Variants in LIPH observed in about 807,000 individuals in gnomAD.
LIPH encodes the protein lipase member H.
In LIPH, 32 loss-of-function variants were observed where a neutral mutation model predicts 47.6. The observed-to-expected ratio is 0.67, with a 90% CI of 0.51 to 0.90. The LOEUF is 0.90. Among genes scored for constraint, LIPH ranks in the 40% least tolerant of loss-of-function variants. The probability of loss-of-function intolerance (pLI) is 0.00; values close to 1 mark genes in which losing one functional copy is unlikely to be tolerated. For synonymous variants in LIPH, 190 were observed against 195.6 expected, an observed-to-expected ratio of 0.97 and a Z score of 0.24; for missense variants, 497 against 541.4, an observed-to-expected ratio of 0.92 and a Z score of 0.81.
intron 1 of LIPH, among the ~76,000 whole-genome samples, chr3:185,545,486 T>C (rs1299814500): frequency 6.6e-6 from 1 of 152,210 alleles, no homozygotes. Flanking sequence ...ACTTTCCTGC[T>C]CTAAAGGCAG....
At chr3:185,518,784 T>C (rs889982744) in intron 6 of LIPH, among the ~76,000 whole-genome samples, 6 of 152,068 alleles carry the variant, frequency 3.9e-5, no homozygotes, top group African/African-American at 1.2e-4. Flanking sequence ...TGCAGTGGCA[T>C]GATCTCAGTT....
intron 1 of LIPH, among the ~76,000 whole-genome samples, chr3:185,537,620 C>G (rs1720542784): frequency 6.6e-6 from 1 of 152,072 alleles, no homozygotes; most frequent in Admixed American, 6.6e-5. Context: ...TCCTTCTTAG[C>G]TATCAGTAAG....
intron 9 of LIPH, 101 bp downstream of exon 9, chr3:185,511,423 G>A: frequency 9.1e-7 from 1 of 1,096,774 alleles, no homozygotes; most frequent in African/African-American, 1.5e-5. Context: ...CCCTCATTGT[G>A]AATAATAGAG....
intron 1 of LIPH, among the ~76,000 whole-genome samples, chr3:185,540,666 C>T (rs945214592): frequency 1.3e-5 from 2 of 148,898 alleles, no homozygotes; most frequent in African/African-American, 2.5e-5. Flanking sequence ...TGCAGTGAGC[C>T]GAGATCTCAC....
At chr3:185,522,153 T>C (rs1477362934) in intron 5 of LIPH, among the ~76,000 whole-genome samples, 3 of 152,172 alleles carry the variant, frequency 2.0e-5, no homozygotes, top group Non-Finnish European at 4.4e-5. Context: ...CTACAGCTTA[T>C]TGGAGGAACT....
intron 3 of LIPH, among the ~76,000 whole-genome samples, chr3:185,533,018 G>C (rs1720381636): frequency 6.6e-6 from 1 of 152,150 alleles, no homozygotes; most frequent in Admixed American, 6.6e-5. Flanking sequence ...GAAAGAGAGA[G>C]CCGCTGTGGA....
rs181332197 is a variant in LIPH, at chr3:185,541,977, G to A, written c.50-6845C>T. Among the ~76,000 whole-genome samples, 1,461 of 151,834 alleles carry A rather than the reference G, an allele frequency of 9.6e-3. 26 individuals carry two copies. Among genetic ancestry groups the A allele is most frequent in the African/African-American group, 0.034 (1,390 of 41,398 alleles). ...TCGCCATGTTGGCCAGGCTGGTCTCGAACTCCCGACCTCAGGTGATCTGCC... is the reference window on the plus strand; with the variant it reads ...TCGCCATGTTGGCCAGGCTGGTCTCAAACTCCCGACCTCAGGTGATCTGCC... On this transcript the variant is annotated intron_variant, in intron 1 of 9. Transcript: ENST00000296252.
chr3:185,514,604 C>T, intron 7 of LIPH, 83 bp from the exon 8 acceptor site: 1 of 760,296 alleles, frequency 1.3e-6, no homozygotes, highest in Non-Finnish European at 2.4e-6. Flanking sequence ...AACTGAACCT[C>T]CCTAATCACT....
intron 5 of LIPH, 105 bp downstream of exon 5, chr3:185,523,966 C>A: frequency 1.3e-6 from 1 of 747,394 alleles, no homozygotes; most frequent in East Asian, 2.8e-5. Context: ...AGGTGATCCA[C>A]CCGTCTCGGC....
chr3:185,522,191 A>C (rs1719913905), intron 5 of LIPH, among the ~76,000 whole-genome samples: 1 of 152,196 alleles, frequency 6.6e-6, no homozygotes, highest in Non-Finnish European at 1.5e-5. Flanking sequence ...CAGTGACAAC[A>C]AGCCGGACAT....
chr3:185,518,979 C>T (rs1237550056), intron 6 of LIPH, among the ~76,000 whole-genome samples, 163 bp downstream of exon 6: 2 of 152,302 alleles, frequency 1.3e-5, no homozygotes, highest in East Asian at 3.9e-4. Context: ...CTGCTTCAAC[C>T]TCCCAAAGTG....
At chr3:185,544,275 A>G (rs1240350724) in intron 1 of LIPH, among the ~76,000 whole-genome samples, 1 of 152,128 alleles carries the variant, frequency 6.6e-6, no homozygotes, top group Non-Finnish European at 1.5e-5. Context: ...TTCAGGAAAA[A>G]TCAATATTCT....
At chr3:185,533,800 A>C in intron 2 of LIPH, 121 bp from the exon 3 acceptor site, 4 of 678,798 alleles carry the variant, frequency 5.9e-6, no homozygotes, top group Non-Finnish European at 1.1e-5. Flanking sequence ...CTATTATCTC[A>C]TTTAAAAGTC....
At chr3:185,529,987 A>AGAGAGGGAGG (rs113097880) in intron 3 of LIPH, among the ~76,000 whole-genome samples, 5 of 149,390 alleles carry the variant, frequency 3.3e-5, no homozygotes, top group South Asian at 2.2e-4. Flanking sequence ...AGAGAGAGAG[A>AGAGAGGGAGG]GAGAAAATAA....
At chr3:185,536,450 G>A (rs1720504682) in intron 1 of LIPH, among the ~76,000 whole-genome samples, 2 of 152,156 alleles carry the variant, frequency 1.3e-5, no homozygotes, top group Non-Finnish European at 2.9e-5. Flanking sequence ...AATTCAGGAA[G>A]CATTTGCTCT....
chr3:185,548,331 G>A (rs1375613121), intron 1 of LIPH, among the ~76,000 whole-genome samples: 1 of 151,752 alleles, frequency 6.6e-6, no homozygotes, highest in Admixed American at 6.6e-5. Flanking sequence ...CTAGAACCAG[G>A]GAGGCGGAGG....
At chr3:185,530,349 G>A (rs1720296854) in intron 3 of LIPH, among the ~76,000 whole-genome samples, 1 of 151,926 alleles carries the variant, frequency 6.6e-6, no homozygotes, top group South Asian at 2.1e-4. Flanking sequence ...GTGGTGGCAG[G>A]CACCTGTAGT....
At chr3:185,514,385 T>C (rs773698240) in intron 8 of LIPH, 25 bp downstream of exon 8, 2 of 1,019,284 alleles carry the variant, frequency 2.0e-6, no homozygotes, top group Admixed American at 3.4e-5. Flanking sequence ...AATAGCGCAC[T>C]GCAAACAATT....
chr3:185,526,878 T>C (rs553668899), intron 4 of LIPH, among the ~76,000 whole-genome samples: 66 of 152,174 alleles, frequency 4.3e-4, no homozygotes, highest in African/African-American at 1.5e-3. Context: ...GCAAACCCAG[T>C]TGCACATAGG....
Sources: gnomAD v4.1 joint callset for allele counts (sites outside exome capture counted in the v4.1 genomes callset) on GRCh38, gnomAD v4.1.1 for gene constraint, MANE v1.5 for transcripts, NCBI Gene and HGNC (gene_info 2026-07-23, HGNC 2026-07-21) for gene names.